The following SIN3A variants were observed in gnomAD, a reference collection of about 807,000 sequenced individuals.
SIN3A encodes paired amphipathic helix protein Sin3a.
In SIN3A, 14 loss-of-function variants were observed where a neutral mutation model predicts 146.1. The observed-to-expected ratio is 0.10, with a 90% CI of 0.06 to 0.15. The LOEUF is 0.15. SIN3A is among the 10% of genes least tolerant of loss of function. The probability of loss-of-function intolerance (pLI) is 1.00; values close to 1 mark genes in which losing one functional copy is unlikely to be tolerated. For synonymous variants in SIN3A, 572 were observed against 572.0 expected, an observed-to-expected ratio of 1.00 and a Z score of 0.00; for missense variants, 1,028 against 1,576.0, an observed-to-expected ratio of 0.65 and a Z score of 5.89.
Position 75,392,420 on chromosome 15 carries a change from G to A in SIN3A, c.2673C>T (p.Asn891=), listed in dbSNP as rs972780343. Residue 891 remains asparagine (N), a synonymous_variant, in exon 15 of 21, where the codon AAC becomes AAT. Transcript: ENST00000394947. ...GGTGCAGTCGCATAAAAATATACCA[G>A]TTGTTGTTGACATAGAAGAGGTTGT... The part of the protein sequence containing the change: ...EVYNLFYVNN[N]WYIFMRLHQI... 6.2e-7 allele frequency: 1 copy of A among 1,614,176 alleles called. No homozygotes were observed. Among genetic ancestry groups the A allele is most frequent in the Non-Finnish European group, 8.5e-7 (1 of 1,180,030 alleles).
At chr15:75,383,061 C>A (rs1373033731) in intron 17 of SIN3A, among the ~76,000 whole-genome samples, 6 of 150,770 alleles carry the variant, frequency 4.0e-5, no homozygotes, top group Non-Finnish European at 8.9e-5. Context: ...CACTCCAAGC[C>A]TGGACAACCT....
At chr15:75,408,266 C>T (rs2073557335) in intron 8 of SIN3A, among the ~76,000 whole-genome samples, 1 of 152,200 alleles carries the variant, frequency 6.6e-6, no homozygotes, top group Non-Finnish European at 1.5e-5. Flanking sequence ...ACCCATATAA[C>T]TAATTCTCTT....
rs574296326 is a variant in SIN3A at position 75,390,737 on chromosome 15, G to A, written c.2852-916C>T. Among the ~76,000 whole-genome samples, 5 of 152,174 alleles carry A rather than the reference G, an allele frequency of 3.3e-5. 1 individual carries two copies. The highest frequency in any genetic ancestry group is 9.6e-5 in the African/African-American group (4 of 41,518). On this transcript the variant is annotated intron_variant, in intron 15 of 20. Coordinates refer to ENST00000394947, the MANE Select transcript of SIN3A (RefSeq NM_001145358.2). ...GTATACTTTTCTATATATACATGCC[G>A]TACCTTATATGTATTTTTTTGTAGA...
intron 1 of SIN3A, among the ~76,000 whole-genome samples, chr15:75,438,370 A>G (rs2074142150): frequency 9.2e-6 from 1 of 108,476 alleles, no homozygotes; most frequent in African/African-American, 4.4e-5. Context: ...CCGTCTCAAA[A>G]AACAAAACAA....
At chr15:75,415,601 C>A in intron 3 of SIN3A, 1 of 171,096 alleles carries the variant, frequency 5.8e-6, no homozygotes, top group Non-Finnish European at 1.2e-5. Flanking sequence ...CCTGCAATCC[C>A]AGCACTTTCA....
At chr15:75,449,399 C>T (rs2074361437) in intron 1 of SIN3A, among the ~76,000 whole-genome samples, 1 of 152,172 alleles carries the variant, frequency 6.6e-6, no homozygotes. Flanking sequence ...TTAGACATTA[C>T]TGCATAAATA....
chr15:75,371,852 G>A lies in SIN3A; in HGVS notation c.*127C>T, dbSNP rs2072757237. The stretch of plus-strand genomic sequence containing the variant: ...GCTGCACCAGCCACACACAGGTCAG[G>A]TGGCCATGTCCCAGAGAGGCCCAGT... On this transcript the variant is annotated 3_prime_UTR_variant, in exon 21 of 21. Transcript: ENST00000394947. 1 of 784,356 alleles carries A rather than the reference G, an allele frequency of 1.3e-6. No homozygotes were observed. The highest frequency in any genetic ancestry group is 2.1e-6 in the Non-Finnish European group (1 of 477,806). The allele number at this position is 784,356 out of a possible 1,614,324, so 48.6% of individuals were successfully genotyped here.
chr15:75,391,661 A>G (rs780647512), intron 15 of SIN3A, among the ~76,000 whole-genome samples: 9 of 152,216 alleles, frequency 5.9e-5, no homozygotes, highest in Non-Finnish European at 8.8e-5. Context: ...CATAAAGCAC[A>G]TGACAGCGTC....
intron 2 of SIN3A, among the ~76,000 whole-genome samples, chr15:75,425,424 T>TC (rs769276745): frequency 2.0e-5 from 3 of 152,178 alleles, no homozygotes; most frequent in Non-Finnish European, 4.4e-5. Flanking sequence ...CGTCTTGGGC[T>TC]CCCAAAGTGC....
intron 11 of SIN3A, among the ~76,000 whole-genome samples, 170 bp downstream of exon 11, chr15:75,400,560 G>A (rs985451095): frequency 3.3e-5 from 5 of 152,076 alleles, no homozygotes; most frequent in African/African-American, 1.2e-4. Context: ...GTGACAAAAC[G>A]AAACCCTGTC....
intron 1 of SIN3A, chr15:75,436,565 G>A (rs2074111401): frequency 6.6e-6 from 1 of 152,208 alleles, no homozygotes; most frequent in African/African-American, 2.4e-5. Context: ...CAAAAAATCA[G>A]ATTCATTGAT....
intron 9 of SIN3A, 52 bp downstream of exon 9, chr15:75,407,003 T>C (rs2073528851): frequency 2.3e-6 from 3 of 1,293,430 alleles, no homozygotes; most frequent in Non-Finnish European, 2.2e-6. Flanking sequence ...GATAAGATGA[T>C]TTTCTTTTGG....
chr15:75,407,794 G>A (rs1356984199), intron 8 of SIN3A, among the ~76,000 whole-genome samples: 1 of 145,662 alleles, frequency 6.9e-6, no homozygotes, highest in Non-Finnish European at 1.5e-5. Context: ...TCAGGAGGCT[G>A]AGACAGAAGA....
chr15:75,419,337 T>G (rs1175186565), intron 3 of SIN3A: 1 of 152,178 alleles, frequency 6.6e-6, no homozygotes, highest in Non-Finnish European at 1.5e-5. Context: ...TTGGAAGATA[T>G]TTAAGAATAG....
intron 19 of SIN3A, among the ~76,000 whole-genome samples, chr15:75,378,347 C>T (rs2072903807): frequency 6.6e-6 from 1 of 152,108 alleles, no homozygotes; most frequent in African/African-American, 2.4e-5. Context: ...GGAGGATCAC[C>T]TGAGGTCAGG....
chr15:75,385,994 AC>A (rs1218449287), intron 16 of SIN3A, among the ~76,000 whole-genome samples: 1 of 152,222 alleles, frequency 6.6e-6, no homozygotes, highest in Non-Finnish European at 1.5e-5. Flanking sequence ...GGAAAGCATG[AC>A]TTCAATCATA....
At position 75,371,708 on chromosome 15, in the gene SIN3A, T is replaced by C; in HGVS notation, c.*271A>G. ...TGTGTGCAAGCAAACTGCATGTCTT[T>C]GCTTGCATGGACTTCCTTCCCCTCC... On this transcript the variant is annotated 3_prime_UTR_variant, in exon 21 of 21. Transcript: ENST00000394947. The C allele has an allele frequency of 2.2e-6, 1 of 450,400 alleles. No homozygotes were observed. Among genetic ancestry groups the C allele is most frequent in the Non-Finnish European group, 4.0e-6 (1 of 252,018 alleles). 27.9% of individuals were successfully genotyped at this position (450,400 alleles called of 1,614,324 possible). A position where few individuals can be genotyped will look rare whatever the true frequency, so the allele number is the denominator to read the frequency against.
At chr15:75,411,134 C>T (rs570484045) in intron 6 of SIN3A, among the ~76,000 whole-genome samples, 1 of 152,324 alleles carries the variant, frequency 6.6e-6, no homozygotes, top group East Asian at 1.9e-4. Context: ...CGAGACCAGC[C>T]TAGCCAACAT....
intron 12 of SIN3A, among the ~76,000 whole-genome samples, chr15:75,397,365 C>T (rs1211578648): frequency 6.6e-6 from 1 of 152,100 alleles, no homozygotes; most frequent in African/African-American, 2.4e-5. Flanking sequence ...TTGGATAGGG[C>T]CATGTAACTA....
Sources: allele counts gnomAD v4.1 joint callset (sites outside exome capture counted in the v4.1 genomes callset), GRCh38; gene constraint gnomAD v4.1.1; transcripts MANE v1.5; gene names NCBI Gene and HGNC (gene_info 2026-07-23, HGNC 2026-07-21).